Variants in RHBDD1 observed in about 807,000 individuals in gnomAD.
The protein encoded by RHBDD1 is rhomboid-related protein 4.
In RHBDD1, 38 loss-of-function variants were observed where a neutral mutation model predicts 36.3. That is an observed-to-expected ratio of 1.05 (90% CI 0.81 to 1.37). The LOEUF (loss-of-function observed/expected upper bound fraction) is 1.37. Among genes scored for constraint, RHBDD1 ranks in the 40% most tolerant of loss-of-function variants. RHBDD1 has a pLI of 0.00. For missense variants in RHBDD1, 393 were observed against 377.6 expected (o/e 1.04, Z -0.34); for synonymous variants, 151 against 136.5 (o/e 1.11, Z -0.74).
intron 8 of RHBDD1, among the ~76,000 whole-genome samples, chr2:226,931,872 GAA>G (rs75740261): frequency 4.0e-5 from 6 of 150,168 alleles, no homozygotes; most frequent in African/African-American, 9.7e-5. Context: ...GATATCTACT[GAA>G]AAAAAAAATC....
chr2:226,994,654 T>C (rs143749522), intron 8 of RHBDD1, among the ~76,000 whole-genome samples: 126 of 152,322 alleles, frequency 8.3e-4, no homozygotes, highest in African/African-American at 2.8e-3. Context: ...ATGGGGAATA[T>C]TGAAGCTCTT....
intron 8 of RHBDD1, among the ~76,000 whole-genome samples, chr2:226,961,039 G>A (rs534630214): frequency 1.2e-4 from 19 of 152,252 alleles, no homozygotes; most frequent in African/African-American, 3.1e-4. Flanking sequence ...TATGTAAAGC[G>A]TAAAAAGGGG....
intron 8 of RHBDD1, among the ~76,000 whole-genome samples, chr2:226,924,150 C>G (rs1217206991): frequency 6.6e-6 from 1 of 152,142 alleles, no homozygotes; most frequent in Non-Finnish European, 1.5e-5. Flanking sequence ...TGAGTCTCAC[C>G]CAGATACCAT....
At chr2:226,909,501 T>G (rs1040000277) in intron 7 of RHBDD1, among the ~76,000 whole-genome samples, 3 of 152,098 alleles carry the variant, frequency 2.0e-5, no homozygotes, top group Non-Finnish European at 4.4e-5. Context: ...AACACTCATG[T>G]CTTAATGCAG....
rs980871329 is a variant in RHBDD1, at chr2:226,934,000, A to G, written c.856+19649A>G. On this transcript the variant is annotated intron_variant, in intron 8 of 8. Transcript: ENST00000392062. ...TAAGGAGTTAATGTAATAGTTACCA[A>G]TAATACTGAGTTTTGAAAAGACCCA... Among the ~76,000 whole-genome samples, 3 of 152,126 alleles carry G rather than the reference A, an allele frequency of 2.0e-5. No individual in the cohort carries two copies. The East Asian group carries it at 5.8e-4, about 29-fold the overall frequency.
the RHBDD1 span, among the ~76,000 whole-genome samples, chr2:226,818,094 T>C: frequency 6.6e-6 from 1 of 151,934 alleles, no homozygotes; most frequent in African/African-American, 2.4e-5. Context: ...TGCAAACTTC[T>C]GGCCTGCTGG....
At position 226,995,736 on chromosome 2, in the gene RHBDD1, C is replaced by T; in HGVS notation, c.*214C>T. On this transcript the variant is annotated 3_prime_UTR_variant, in exon 9 of 9. Transcript: ENST00000392062. Reference sequence around the variant, plus strand: ...GCCTTCTCCTGGCCTTGTTCTTGCTCATAAACAGGTCACTTCCTCCATGAA... The same window carrying T: ...GCCTTCTCCTGGCCTTGTTCTTGCTTATAAACAGGTCACTTCCTCCATGAA... 1 of 573,580 alleles carries T rather than the reference C, an allele frequency of 1.7e-6. No individual in the cohort carries two copies. The highest frequency in any genetic ancestry group is 2.9e-5 in the East Asian group (1 of 34,422). 35.5% of individuals were successfully genotyped at this position (573,580 alleles called of 1,614,324 possible).
At chr2:226,854,109 A>G (rs1195463501) in intron 3 of RHBDD1, among the ~76,000 whole-genome samples, 1 of 152,190 alleles carries the variant, frequency 6.6e-6, no homozygotes, top group Non-Finnish European at 1.5e-5. Flanking sequence ...CCTGGGATGA[A>G]TAGCTTGAAG....
intron 3 of RHBDD1, among the ~76,000 whole-genome samples, chr2:226,841,348 C>T (rs1315804740): frequency 6.6e-6 from 1 of 151,966 alleles, no homozygotes; most frequent in Non-Finnish European, 1.5e-5. Flanking sequence ...GTAGGATGTG[C>T]AGGTTTGTTA....
chr2:226,951,080 C>T lies in RHBDD1; in HGVS notation c.856+36729C>T, dbSNP rs556117276. On this transcript the variant is annotated intron_variant, in intron 8 of 8. Coordinates refer to ENST00000392062, the MANE Select transcript of RHBDD1 (RefSeq NM_001167608.3). Reference sequence around the variant, plus strand: ...TGGAGCTCTTCCCCTCCATTTTCTTCTAGTAGGTTTACAGTTTCAGGTCTT... The same window carrying T: ...TGGAGCTCTTCCCCTCCATTTTCTTTTAGTAGGTTTACAGTTTCAGGTCTT... Among the ~76,000 whole-genome samples, 45 of 152,202 alleles carry T rather than the reference C, an allele frequency of 3.0e-4. 3 individuals are homozygous for T. The Middle Eastern group carries it at 0.024, about 81-fold the overall frequency.
chr2:226,822,252 CATTT>C, the RHBDD1 span, among the ~76,000 whole-genome samples: 1 of 152,188 alleles, frequency 6.6e-6, no homozygotes, highest in Non-Finnish European at 1.5e-5. Context: ...ATATTATATT[CATTT>C]GAGAAATTAA....
intron 8 of RHBDD1, among the ~76,000 whole-genome samples, chr2:226,982,893 T>C (rs775839098): frequency 5.3e-5 from 8 of 152,212 alleles, no homozygotes; most frequent in African/African-American, 1.7e-4. Context: ...TCATCACAAA[T>C]AGAATTTTAA....
At chr2:226,957,795 C>T (rs1470186135) in intron 8 of RHBDD1, among the ~76,000 whole-genome samples, 2 of 150,168 alleles carry the variant, frequency 1.3e-5, no homozygotes, top group African/African-American at 4.9e-5. Flanking sequence ...TGAAAAGAAG[C>T]TCTACACCAT....
chr2:226,876,151 G>A (rs970071958), intron 5 of RHBDD1, among the ~76,000 whole-genome samples: 5 of 152,228 alleles, frequency 3.3e-5, no homozygotes, highest in African/African-American at 1.2e-4. Flanking sequence ...TTTAGGCCAT[G>A]CTTGTAGTCA....
chr2:226,998,634 TAG>T lies in RHBDD1; in HGVS notation c.*3117_*3118del, dbSNP rs1430310668. The T allele has an allele frequency of 6.6e-6, 1 of 152,186 alleles. No homozygotes were observed. Among genetic ancestry groups the T allele is most frequent in the Non-Finnish European group, 1.5e-5 (1 of 68,022 alleles). The allele number at this position is 152,186 out of a possible 1,614,324, so 9.4% of individuals were successfully genotyped here. On this transcript the variant is annotated 3_prime_UTR_variant, in exon 9 of 9. Coordinates refer to ENST00000392062, the MANE Select transcript of RHBDD1 (RefSeq NM_001167608.3). Reference sequence around the variant, plus strand: ...ATTTTAGAATCACAGACTCTCAGCTTAGAGAGTCACAGTATCTCAATTATTTG... The same window carrying T: ...ATTTTAGAATCACAGACTCTCAGCTTAGAGTCACAGTATCTCAATTATTTG...
At chr2:226,928,790 A>C (rs1329082378) in intron 8 of RHBDD1, among the ~76,000 whole-genome samples, 2 of 152,030 alleles carry the variant, frequency 1.3e-5, no homozygotes, top group African/African-American at 4.8e-5. Context: ...AGAAGATTCA[A>C]ATAAGCTGAA....
intron 3 of RHBDD1, among the ~76,000 whole-genome samples, chr2:226,857,697 A>C (rs963430149): frequency 1.3e-5 from 2 of 152,182 alleles, no homozygotes; most frequent in African/African-American, 4.8e-5. Flanking sequence ...GTATTGTGTG[A>C]CTTCATGTAG....
intron 8 of RHBDD1, among the ~76,000 whole-genome samples, chr2:226,968,065 CAT>C (rs1043549069): frequency 6.6e-6 from 1 of 152,170 alleles, no homozygotes; most frequent in African/African-American, 2.4e-5. Flanking sequence ...TCTTGCATAA[CAT>C]AATTTAATTC....
chr2:226,925,587 C>T (rs1949614624), intron 8 of RHBDD1, among the ~76,000 whole-genome samples: 1 of 152,098 alleles, frequency 6.6e-6, no homozygotes. Flanking sequence ...CAAATGTCTT[C>T]TTGATTCTTA....
Sources: allele counts gnomAD v4.1 joint callset (sites outside exome capture counted in the v4.1 genomes callset), GRCh38; gene constraint gnomAD v4.1.1; transcripts MANE v1.5; gene names NCBI Gene and HGNC (gene_info 2026-07-23, HGNC 2026-07-21).